The following RBFOX1 variants were observed in gnomAD, a reference collection of about 807,000 sequenced individuals.
RBFOX1 encodes the protein RNA binding protein fox-1 homolog 1.
RBFOX1 carries 8 observed loss-of-function variants against 57.7 expected under a neutral mutation model. That is an observed-to-expected ratio of 0.14 (90% confidence interval 0.08 to 0.25). The LOEUF is 0.25. Ranked by LOEUF, RBFOX1 falls within the 10% of genes least tolerant of loss-of-function variation. RBFOX1 has a pLI of 1.00. For synonymous variants in RBFOX1, 326 were observed against 222.4 expected (o/e 1.47, Z -4.15); for missense variants, 611 against 548.5 (o/e 1.11, Z -1.14).
chr16:5,239,745 G>C, upstream of RBFOX1: 1 of 500,924 alleles, frequency 2.0e-6, no homozygotes, highest in Non-Finnish European at 3.4e-6. Flanking sequence ...AGCGGCCCGC[G>C]GAGGAGCCCG....
In RBFOX1 at chr16:5,966,663, A is replaced by C. The variant is rs191818726; in HGVS notation, c.351+99328A>C. Among the ~76,000 whole-genome samples, 524 of 152,206 alleles carry C rather than the reference A, an allele frequency of 3.4e-3. 1 individual carries two copies. The highest frequency in any genetic ancestry group is 0.012 in the African/African-American group (507 of 41,538). ...GACAAGGTTTCGCCACACACCTTTAAACGCCCAAAATCTTTTGACAACTCG... is the reference window on the plus strand; with the variant it reads ...GACAAGGTTTCGCCACACACCTTTACACGCCCAAAATCTTTTGACAACTCG... On this transcript the variant is annotated intron_variant, in intron 4 of 19. Coordinates refer to the RBFOX1 transcript ENST00000641259.
rs993975630 is a variant in RBFOX1 at position 6,097,009 on chromosome 16, A to G, written c.-127+77017A>G. Among the ~76,000 whole-genome samples the G allele has an allele frequency of 2.0e-5, 3 of 151,978 alleles. No homozygotes were observed. The highest frequency in any genetic ancestry group is 4.4e-5 in the Non-Finnish European group (3 of 68,010). On this transcript the variant is annotated intron_variant, in intron 1 of 15. Coordinates refer to ENST00000550418, the MANE Select transcript of RBFOX1 (RefSeq NM_018723.4). The surrounding 1 kb of genome is among the most constrained non-coding windows in gnomAD (Gnocchi z 5.0). The stretch of plus-strand genomic sequence containing the variant: ...TTGAATTGTAGCTCCCATAATTCCC[A>G]TGTGTTGTGTGAGGGACTTCGTGGG...
intron 4 of RBFOX1, among the ~76,000 whole-genome samples, chr16:7,064,349 A>C (rs1460380453): frequency 1.3e-5 from 2 of 151,820 alleles, no homozygotes; most frequent in East Asian, 3.9e-4. Flanking sequence ...TTGTATTTTT[A>C]GTAGAGATGG....
chr16:7,493,855 T>C (rs543510592), intron 4 of RBFOX1, among the ~76,000 whole-genome samples: 1 of 152,364 alleles, frequency 6.6e-6, no homozygotes, highest in African/African-American at 2.4e-5. Flanking sequence ...AGAACGCTGA[T>C]AAAATCATCA....
chr16:6,449,228 T>C (rs1213735758), intron 2 of RBFOX1, among the ~76,000 whole-genome samples: 2 of 152,220 alleles, frequency 1.3e-5, no homozygotes, highest in Non-Finnish European at 2.9e-5. Flanking sequence ...GGCTCTGTAT[T>C]AAAATCTCAG....
chr16:6,971,111 G>A (rs573312028), intron 3 of RBFOX1, among the ~76,000 whole-genome samples: 6 of 152,282 alleles, frequency 3.9e-5, no homozygotes, highest in South Asian at 2.1e-4. Context: ...ATAATCTAGC[G>A]GAGGAAGACA....
At chr16:7,518,428 G>C (rs755928944) in intron 5 of RBFOX1, 39 bp downstream of exon 5, 1 of 1,573,780 alleles carries the variant, frequency 6.4e-7, no homozygotes, top group East Asian at 2.3e-5. Flanking sequence ...AGGTTATGGG[G>C]AGGCGCCCCC....
chr16:5,830,645 TAGGATGATCTTTGAGGCC>T (rs2151825982), intron 3 of RBFOX1, among the ~76,000 whole-genome samples: 1 of 152,252 alleles, frequency 6.6e-6, no homozygotes, highest in South Asian at 2.1e-4. Context: ...ATGCAGCAGC[TAGGATGATCTTTGAGGCC>T]AGATCAAATC....
intron 4 of RBFOX1, among the ~76,000 whole-genome samples, chr16:7,241,474 A>G (rs1603435167): frequency 6.6e-6 from 1 of 152,216 alleles, no homozygotes; most frequent in Admixed American, 6.5e-5. Flanking sequence ...ATTCAAGATG[A>G]CTAAAATGTT....
intron 3 of RBFOX1, among the ~76,000 whole-genome samples, chr16:5,713,802 G>A (rs1430141207): frequency 6.6e-6 from 1 of 152,162 alleles, no homozygotes; most frequent in Non-Finnish European, 1.5e-5. Context: ...GTCGATAAGA[G>A]CTAGAACTCT....
chr16:6,407,428 C>T lies in RBFOX1; in HGVS notation c.-64+90371C>T, dbSNP rs2093320666. On this transcript the variant is annotated intron_variant, in intron 2 of 15. Transcript: ENST00000550418. ...CTTTGTGTGTATCTATGCTTATATA[C>T]TATCTCTATATTTATTTTTATGTAT... Among the ~76,000 whole-genome samples the T allele has an allele frequency of 4.0e-5, 6 of 151,786 alleles. No homozygotes were observed. The South Asian group carries it at 1.2e-3, about 32-fold the overall frequency.
At chr16:5,888,188 T>G (rs1000093255) in intron 4 of RBFOX1, among the ~76,000 whole-genome samples, 2 of 152,154 alleles carry the variant, frequency 1.3e-5, no homozygotes, top group Non-Finnish European at 2.9e-5. Flanking sequence ...CCCCAGCGCC[T>G]TTGCAGAGTT....
At chr16:6,930,390 C>G (rs908707745) in intron 3 of RBFOX1, among the ~76,000 whole-genome samples, 1 of 152,042 alleles carries the variant, frequency 6.6e-6, no homozygotes, top group African/African-American at 2.4e-5. Context: ...CACCTCACAC[C>G]CATCAGGATG....
At chr16:5,922,816 G>A (rs1382921814) in intron 4 of RBFOX1, among the ~76,000 whole-genome samples, 1 of 152,214 alleles carries the variant, frequency 6.6e-6, no homozygotes, top group Non-Finnish European at 1.5e-5. Flanking sequence ...TTCTGCATGT[G>A]AGCCCAGCCA....
chr16:7,011,329 G>A (rs947716493), intron 3 of RBFOX1, among the ~76,000 whole-genome samples: 9 of 152,150 alleles, frequency 5.9e-5, no homozygotes, highest in Admixed American at 5.2e-4. Context: ...AGAAACTGAA[G>A]CCCAGAAAGC....
At chr16:6,447,822 C>T (rs894511594) in intron 2 of RBFOX1, among the ~76,000 whole-genome samples, 3 of 152,084 alleles carry the variant, frequency 2.0e-5, no homozygotes, top group East Asian at 1.9e-4. Context: ...AGAGAACATC[C>T]GTTCTTATTA....
At chr16:6,305,182 A>T (rs2152750057) in intron 1 of RBFOX1, among the ~76,000 whole-genome samples, 1 of 152,316 alleles carries the variant, frequency 6.6e-6, no homozygotes, top group Middle Eastern at 3.4e-3. Flanking sequence ...TCTACTTGGG[A>T]TGGAAGCATT....
At chr16:6,867,720 G>A (rs966078405) in intron 3 of RBFOX1, among the ~76,000 whole-genome samples, 1 of 152,124 alleles carries the variant, frequency 6.6e-6, no homozygotes, top group African/African-American at 2.4e-5. Context: ...AGGACAAAAA[G>A]AAAGGGATCC....
chr16:6,728,517 C>T (rs542063757), intron 3 of RBFOX1, among the ~76,000 whole-genome samples: 4 of 152,240 alleles, frequency 2.6e-5, no homozygotes, highest in East Asian at 1.9e-4. Context: ...TAATTCTCAA[C>T]GCATCTGAAG....
Sources: allele counts gnomAD v4.1 joint callset (sites outside exome capture counted in the v4.1 genomes callset), GRCh38; gene constraint gnomAD v4.1.1; non-coding constraint Gnocchi (gnomAD v3.1); transcripts MANE v1.5; gene names NCBI Gene and HGNC (gene_info 2026-07-23, HGNC 2026-07-21).